The following UMAD1 variants were observed in gnomAD, a reference collection of about 807,000 sequenced individuals.
UMAD1 encodes the protein UBAP1-MVB12-associated (UMA) domain containing 1.
A neutral mutation model predicts 6.1 loss-of-function variants in UMAD1; 8 were observed. The ratio of observed to expected loss-of-function variants is 1.30; its 90% confidence interval spans 0.76 to 2.35. The LOEUF is 2.35. Ranked by LOEUF, UMAD1 falls within the 30% of genes most tolerant of loss-of-function variation. UMAD1 has a pLI of 0.00. For synonymous variants in UMAD1, 56 were observed against 31.4 expected, an observed-to-expected ratio of 1.78 and a Z score of -2.61; for missense variants, 130 against 78.4, an observed-to-expected ratio of 1.66 and a Z score of -2.49.
intron 2 of UMAD1, among the ~76,000 whole-genome samples, chr7:7,760,812 AG>A: frequency 6.6e-6 from 1 of 152,332 alleles, no homozygotes; most frequent in South Asian, 2.1e-4. Flanking sequence ...CTTGAATGTG[AG>A]ATTGAAGAAA....
At chr7:7,654,081 C>G (rs577110369) in intron 1 of UMAD1, among the ~76,000 whole-genome samples, 1 of 152,240 alleles carries the variant, frequency 6.6e-6, no homozygotes, top group East Asian at 1.9e-4. Context: ...GCAGTCATTT[C>G]TTATCACTGC....
chr7:7,874,885 G>T (rs1428606903), intron 3 of UMAD1, among the ~76,000 whole-genome samples: 1 of 152,136 alleles, frequency 6.6e-6, no homozygotes. Context: ...TCTGGGCGCT[G>T]GTTGCTCATG....
chr7:7,872,114 G>A (rs979143731), intron 3 of UMAD1, among the ~76,000 whole-genome samples: 1 of 151,550 alleles, frequency 6.6e-6, no homozygotes, highest in Admixed American at 6.6e-5. Context: ...AAAAAAAAAA[G>A]AAGTTGTGTG....
At chr7:7,671,506 A>G (rs930885004) in intron 1 of UMAD1, among the ~76,000 whole-genome samples, 17 of 152,160 alleles carry the variant, frequency 1.1e-4, no homozygotes, top group Non-Finnish European at 7.4e-5. Context: ...GTTGTTCCTT[A>G]AAGGCCTTCT....
chr7:7,675,235 G>A (rs935931763), intron 2 of UMAD1, among the ~76,000 whole-genome samples: 1 of 152,206 alleles, frequency 6.6e-6, no homozygotes, highest in Non-Finnish European at 1.5e-5. Flanking sequence ...TTTAGAGGCT[G>A]TAAGTTGGGT....
In UMAD1 at chr7:7,704,301, TAACTTAATA is replaced by T. The variant is rs146303443; in HGVS notation, c.82+30851_82+30859del. Among the ~76,000 whole-genome samples, 677 of 152,286 alleles carry T rather than the reference TAACTTAATA, an allele frequency of 4.4e-3. 4 individuals carry two copies. The highest frequency in any genetic ancestry group is 0.016 in the African/African-American group (651 of 41,560). Reference sequence around the variant, plus strand: ...CATTCATGTAAATATGTAAAACAGTTAACTTAATAAATATATTTAAAATTTGTTTTGAAG... The same window carrying T: ...CATTCATGTAAATATGTAAAACAGTTAATATATTTAAAATTTGTTTTGAAG... On this transcript the variant is annotated intron_variant, in intron 2 of 3. Transcript: ENST00000682710.
chr7:7,712,231 A>G (rs1480378433), intron 2 of UMAD1, among the ~76,000 whole-genome samples: 1 of 152,144 alleles, frequency 6.6e-6, no homozygotes, highest in Non-Finnish European at 1.5e-5. Context: ...TAACAGATGG[A>G]TAATCACTCA....
intron 2 of UMAD1, among the ~76,000 whole-genome samples, chr7:7,782,143 T>G (rs758913509): frequency 1.3e-5 from 2 of 152,154 alleles, no homozygotes; most frequent in Admixed American, 6.5e-5. Context: ...CTTTTTATTA[T>G]CTGTTCTCTA....
chr7:7,695,286 C>T (rs922828711), intron 2 of UMAD1, among the ~76,000 whole-genome samples: 1 of 152,142 alleles, frequency 6.6e-6, no homozygotes, highest in African/African-American at 2.4e-5. Context: ...TTTTCCCCAC[C>T]ACAGTTTATC....
intron 2 of UMAD1, among the ~76,000 whole-genome samples, chr7:7,739,509 C>T (rs531792591): frequency 1.3e-5 from 2 of 152,306 alleles, no homozygotes; most frequent in South Asian, 4.1e-4. Context: ...GGTTTGACCT[C>T]AGCACCTTTG....
intron 2 of UMAD1, among the ~76,000 whole-genome samples, chr7:7,749,713 A>C (rs542166767): frequency 6.6e-6 from 1 of 152,280 alleles, no homozygotes; most frequent in East Asian, 1.9e-4. Context: ...ATATGATGAA[A>C]AGATTTATAA....
intron 1 of UMAD1, among the ~76,000 whole-genome samples, chr7:7,656,339 A>T (rs12154967): frequency 0.58 from 88,296 of 151,936 alleles, 27,426 homozygotes; most frequent in East Asian, 0.89. Flanking sequence ...TATTATACTT[A>T]AAGTTCTGGA....
chr7:7,798,372 C>A (rs1782728303), intron 2 of UMAD1, among the ~76,000 whole-genome samples: 1 of 152,172 alleles, frequency 6.6e-6, no homozygotes, highest in Admixed American at 6.5e-5. Flanking sequence ...AATCGCATGG[C>A]TGTACTATAA....
intron 1 of UMAD1, among the ~76,000 whole-genome samples, chr7:7,642,530 G>T (rs2115541842): frequency 6.6e-6 from 1 of 151,974 alleles, no homozygotes; most frequent in South Asian, 2.1e-4. Flanking sequence ...TTGTTTACCT[G>T]CAGTTAGAAA....
At chr7:7,835,752 A>C (rs966688027) in intron 3 of UMAD1, among the ~76,000 whole-genome samples, 1 of 151,828 alleles carries the variant, frequency 6.6e-6, no homozygotes, top group Non-Finnish European at 1.5e-5. Flanking sequence ...TATGTGTATG[A>C]TCTTACATCA....
intron 1 of UMAD1, among the ~76,000 whole-genome samples, chr7:7,669,221 T>TC (rs1417595689): frequency 6.6e-6 from 1 of 152,038 alleles, no homozygotes; most frequent in Non-Finnish European, 1.5e-5. Context: ...TTGGAACATG[T>TC]CCCCCATGGA....
intron 2 of UMAD1, among the ~76,000 whole-genome samples, chr7:7,716,127 C>T (rs549332758): frequency 6.6e-6 from 1 of 152,080 alleles, no homozygotes; most frequent in East Asian, 1.9e-4. Flanking sequence ...AAGGATGGAT[C>T]TAAATATGAA....
intron 2 of UMAD1, among the ~76,000 whole-genome samples, chr7:7,719,868 A>G (rs1265561765): frequency 6.6e-6 from 1 of 152,234 alleles, no homozygotes; most frequent in African/African-American, 2.4e-5. Context: ...GAGATGGTAA[A>G]TCAGTGTACT....
At chr7:7,757,782 A>G (rs1435747074) in intron 2 of UMAD1, among the ~76,000 whole-genome samples, 1 of 152,186 alleles carries the variant, frequency 6.6e-6, no homozygotes, top group Non-Finnish European at 1.5e-5. Flanking sequence ...AATGCAGAGA[A>G]TGCAGAAAAA....
Sources: gnomAD v4.1 joint callset for allele counts (sites outside exome capture counted in the v4.1 genomes callset) on GRCh38, gnomAD v4.1.1 for gene constraint, MANE v1.5 for transcripts, NCBI Gene and HGNC (gene_info 2026-07-23, HGNC 2026-07-21) for gene names.